Variants in CDS1 observed in about 807,000 individuals in gnomAD.
The protein encoded by CDS1 is CDP-diacylglycerol synthase 1, also known as phosphatidate cytidylyltransferase 1.
In CDS1, 41 loss-of-function variants were observed where a neutral mutation model predicts 62.1. The observed-to-expected ratio is 0.66, with a 90% confidence interval of 0.51 to 0.86. The LOEUF is 0.86. CDS1 is among the 40% of genes least tolerant of loss of function. The pLI is 0.00. For missense variants in CDS1, 470 were observed against 550.1 expected, an observed-to-expected ratio of 0.85 and a Z score of 1.46; for synonymous variants, 185 against 192.6, an observed-to-expected ratio of 0.96 and a Z score of 0.32.
chr4:84,635,804 T>C (rs1724190946), intron 8 of CDS1, among the ~76,000 whole-genome samples: 1 of 150,260 alleles, frequency 6.7e-6, no homozygotes, highest in African/African-American at 2.5e-5. Flanking sequence ...CCACCCAGGC[T>C]GGAGTACAGT....
At position 84,638,075 on chromosome 4, in the gene CDS1, T is replaced by G. The variant is rs1356675596; in HGVS notation, c.811-849T>G. Among the ~76,000 whole-genome samples, 3 of 152,166 alleles carry G rather than the reference T, an allele frequency of 2.0e-5. No homozygotes were observed. In the East Asian group the frequency reaches 5.8e-4, roughly 29 times the overall value. On this transcript the variant is annotated intron_variant, in intron 8 of 12. Coordinates refer to ENST00000295887, the MANE Select transcript of CDS1 (RefSeq NM_001263.4). ...TCAGAGACTTTATTCTGATATTTGG[T>G]TTCTGTCCCTCATTAATGACCTGAT...
At chr4:84,616,760 G>A (rs1005300666) in intron 3 of CDS1, among the ~76,000 whole-genome samples, 1 of 152,194 alleles carries the variant, frequency 6.6e-6, no homozygotes. Flanking sequence ...GTCAAGCACC[G>A]GGTGTGATGC....
chr4:84,635,657 T>C lies in CDS1; in HGVS notation c.810+306T>C, dbSNP rs1226681478. ...TTCCTTCCTTCCTTCCTTCCTTCCTTCCTTCCTTCCTTCCTTCCTTCCTTC... is the reference window on the plus strand; with the variant it reads ...TTCCTTCCTTCCTTCCTTCCTTCCTCCCTTCCTTCCTTCCTTCCTTCCTTC... On this transcript the variant is annotated intron_variant, in intron 8 of 12. Coordinates refer to ENST00000295887, the MANE Select transcript of CDS1 (RefSeq NM_001263.4). 3.5e-3 allele frequency among the ~76,000 whole-genome samples: 422 copies of C among 122,136 alleles called. 5 individuals carry two copies. The highest frequency in any genetic ancestry group is 0.013 in the African/African-American group (398 of 30,090). The allele number at this position is 122,136 out of a possible 152,430, so 80.1% of individuals were successfully genotyped here.
intron 1 of CDS1, among the ~76,000 whole-genome samples, chr4:84,593,542 T>C (rs1015662472): frequency 6.6e-6 from 1 of 152,032 alleles, no homozygotes; most frequent in Admixed American, 6.6e-5. Flanking sequence ...TCTTGCTCTG[T>C]CACCCAAGCT....
In CDS1 at chr4:84,605,608, T is replaced by C. The variant is rs191410926; in HGVS notation, c.245+1238T>C. 6.6e-5 allele frequency among the ~76,000 whole-genome samples: 10 copies of C among 152,306 alleles called. No homozygotes were observed. The East Asian group carries it at 1.9e-3, about 29-fold the overall frequency. ...GTTTTCATGACCTAATTCCCAGATA[T>C]AACTTTGCATTAAAATCTCATCAAG... On this transcript the variant is annotated intron_variant, in intron 2 of 12. Coordinates refer to ENST00000295887, the MANE Select transcript of CDS1 (RefSeq NM_001263.4).
intron 12 of CDS1, among the ~76,000 whole-genome samples, chr4:84,647,109 C>T (rs760122809): frequency 1.6e-4 from 25 of 152,030 alleles, no homozygotes; most frequent in Middle Eastern, 3.4e-3. Context: ...CATGTTATTT[C>T]TTTGTCTCTC....
chr4:84,641,970 CTT>C (rs1007669719), intron 10 of CDS1, among the ~76,000 whole-genome samples: 2 of 152,190 alleles, frequency 1.3e-5, no homozygotes, highest in Admixed American at 1.3e-4. Context: ...TGCTATAAAA[CTT>C]TTTATACTGC....
rs762662490 is a variant in CDS1 at position 84,638,892 on chromosome 4, A to C, written c.811-32A>C. 8.5e-6 allele frequency: 9 copies of C among 1,064,166 alleles called. No individual in the cohort carries two copies. In the Admixed American group the frequency reaches 1.4e-4, roughly 17 times the overall value. 65.9% of individuals were successfully genotyped at this position (1,064,166 alleles called of 1,614,324 possible). On this transcript the variant is annotated intron_variant, in intron 8 of 12. Coordinates refer to ENST00000295887, the MANE Select transcript of CDS1 (RefSeq NM_001263.4). Reference sequence around the variant, plus strand: ...ATATTGTGAGTTTTGTGAGTGCAGTAAAGCTTTTTAATTTTATTTGCCCTT... The same window carrying C: ...ATATTGTGAGTTTTGTGAGTGCAGTCAAGCTTTTTAATTTTATTTGCCCTT...
At chr4:84,609,180 C>CAA (rs1230335142) in intron 2 of CDS1, among the ~76,000 whole-genome samples, 1,107 of 91,178 alleles carry the variant, frequency 0.012, 25 homozygotes, top group African/African-American at 0.043. Context: ...GACTCCGTCT[C>CAA]AAAAAAAAAA....
At chr4:84,643,450 G>A (rs1201735700) in intron 11 of CDS1, among the ~76,000 whole-genome samples, 6 of 152,164 alleles carry the variant, frequency 3.9e-5, no homozygotes, top group South Asian at 2.1e-4. Context: ...GAATCCAGCC[G>A]TGAATCATCT....
Position 84,617,236 on chromosome 4 carries a change from A to G in CDS1, c.343-328A>G, listed in dbSNP as rs111553587. Among the ~76,000 whole-genome samples, 675 of 152,308 alleles carry G rather than the reference A, an allele frequency of 4.4e-3. 1 individual carries two copies. Among genetic ancestry groups the G allele is most frequent in the Non-Finnish European group, 7.5e-3 (510 of 68,028 alleles). On this transcript the variant is annotated intron_variant, in intron 3 of 12. Transcript: ENST00000295887. The stretch of plus-strand genomic sequence containing the variant: ...AAGATTCTCCATCTTGACAAGGACA[A>G]TCTCAAGAATGAAGTAGTAATGAGG...
At chr4:84,628,235 T>G (rs958598571) in intron 5 of CDS1, among the ~76,000 whole-genome samples, 1 of 152,168 alleles carries the variant, frequency 6.6e-6, no homozygotes, top group Admixed American at 6.5e-5. Context: ...GCTTTTTGAA[T>G]TAAGGGCTAT....
intron 8 of CDS1, among the ~76,000 whole-genome samples, chr4:84,636,287 G>A (rs1340844325): frequency 6.6e-6 from 1 of 152,100 alleles, no homozygotes; most frequent in East Asian, 1.9e-4. Flanking sequence ...AGATTTTGGG[G>A]CCCTACAATA....
chr4:84,602,903 A>G (rs1413698576), intron 1 of CDS1, among the ~76,000 whole-genome samples: 1 of 152,026 alleles, frequency 6.6e-6, no homozygotes, highest in Non-Finnish European at 1.5e-5. Context: ...CTCATTTGTA[A>G]TTTAGGGTAC....
chr4:84,592,154 AT>A lies in CDS1; in HGVS notation c.117+8663del, dbSNP rs72236126. ...GAGGAAGTAATTTCATTAATGACCAATTTTTTTTTTTTTTTTTTTTTTTTTT... is the reference window on the plus strand; with the variant it reads ...GAGGAAGTAATTTCATTAATGACCAATTTTTTTTTTTTTTTTTTTTTTTTT... On this transcript the variant is annotated intron_variant, in intron 1 of 12. Transcript: ENST00000295887. Among the ~76,000 whole-genome samples, 739 of 85,974 alleles carry A rather than the reference AT, an allele frequency of 8.6e-3. 1 individual carries two copies. The highest frequency in any genetic ancestry group is 0.033 in the African/African-American group (677 of 20,804). 56.4% of individuals were successfully genotyped at this position (85,974 alleles called of 152,430 possible). A position where few individuals can be genotyped will look rare whatever the true frequency, so the allele number is the denominator to read the frequency against.
chr4:84,593,652 T>C (rs1404391672), intron 1 of CDS1, among the ~76,000 whole-genome samples: 1 of 151,914 alleles, frequency 6.6e-6, no homozygotes, highest in Non-Finnish European at 1.5e-5. Context: ...TTACAGGCGC[T>C]CTCCACTACG....
At chr4:84,608,679 G>T (rs1723210297) in intron 2 of CDS1, among the ~76,000 whole-genome samples, 1 of 152,058 alleles carries the variant, frequency 6.6e-6, no homozygotes, top group Non-Finnish European at 1.5e-5. Context: ...CTCATTGGCA[G>T]TCCATGCTGT....
chr4:84,621,741 ATTG>A (rs1352746211), intron 5 of CDS1, among the ~76,000 whole-genome samples: 24 of 152,112 alleles, frequency 1.6e-4, no homozygotes, highest in Admixed American at 1.6e-3. Context: ...ATTCAGGTTT[ATTG>A]TTCAGTTCAG....
intron 2 of CDS1, 102 bp from the exon 3 acceptor site, chr4:84,609,327 T>C (rs1723242334): frequency 1.4e-6 from 1 of 714,626 alleles, no homozygotes; most frequent in Admixed American, 2.4e-5. Context: ...AGTAGTAGAA[T>C]CTTATAGTTA....
Sources: allele counts gnomAD v4.1 joint callset (sites outside exome capture counted in the v4.1 genomes callset), GRCh38; gene constraint gnomAD v4.1.1; transcripts MANE v1.5; gene names NCBI Gene and HGNC (gene_info 2026-07-23, HGNC 2026-07-21).